The following SLC25A21 variants were observed in gnomAD, a reference collection of about 807,000 sequenced individuals.
SLC25A21 encodes solute carrier family 25 member 21.
Under a neutral mutation model 43.8 loss-of-function variants are expected in SLC25A21, and 47 were observed. The observed-to-expected ratio is 1.07, with a 90% CI of 0.85 to 1.37. The LOEUF (loss-of-function observed/expected upper bound fraction) is 1.37, where lower values mean the gene tolerates loss of function less well. Among genes scored for constraint, SLC25A21 ranks in the 40% most tolerant of loss-of-function variants. The pLI is 0.00. For missense variants in SLC25A21, 352 were observed against 350.2 expected, an observed-to-expected ratio of 1.00 and a Z score of -0.04; for synonymous variants, 131 against 121.3, an observed-to-expected ratio of 1.08 and a Z score of -0.52.
At chr14:36,691,871 C>T (rs1057060521) in intron 7 of SLC25A21, among the ~76,000 whole-genome samples, 24 of 152,248 alleles carry the variant, frequency 1.6e-4, no homozygotes, top group Middle Eastern at 3.4e-3. Context: ...TATAACTAAA[C>T]TGGAGCTGAG....
rs755417983 is a variant in SLC25A21, at chr14:37,170,140, A to G, written c.70+2141T>C. On this transcript the variant is annotated intron_variant, in intron 1 of 9. Coordinates refer to ENST00000331299, the MANE Select transcript of SLC25A21 (RefSeq NM_030631.4). ...AACCTCCGCCTCCTGGGTTCAAGCG[A>G]TTCTCCTGCCTCAGCCTCCCAAGTA... is the stretch of plus-strand genomic sequence containing the variant. Among the ~76,000 whole-genome samples the G allele has an allele frequency of 4.3e-4, 66 of 151,814 alleles. 2 individuals are homozygous for G. The highest frequency in any genetic ancestry group is 5.7e-4 in the Non-Finnish European group (39 of 67,972).
intron 5 of SLC25A21, 66 bp from the exon 6 acceptor site, chr14:36,725,743 T>G (rs1010699608): frequency 1.1e-5 from 11 of 961,072 alleles, no homozygotes; most frequent in Admixed American, 2.2e-5. Flanking sequence ...AAACATCCTA[T>G]TCATTACACT....
At chr14:36,986,870 T>C (rs1279672970) in intron 1 of SLC25A21, among the ~76,000 whole-genome samples, 5 of 152,164 alleles carry the variant, frequency 3.3e-5, no homozygotes, top group Non-Finnish European at 7.4e-5. Context: ...CCAAGTTAAG[T>C]TGTACTAAGC....
At chr14:37,065,257 C>T (rs1962036201) in intron 1 of SLC25A21, among the ~76,000 whole-genome samples, 1 of 152,028 alleles carries the variant, frequency 6.6e-6, no homozygotes, top group African/African-American at 2.4e-5. Context: ...AACATGGTAG[C>T]CTAGGTTATT....
intron 1 of SLC25A21, among the ~76,000 whole-genome samples, chr14:37,137,024 G>A (rs1363742632): frequency 1.3e-5 from 2 of 152,096 alleles, no homozygotes; most frequent in Non-Finnish European, 2.9e-5. Context: ...GTTTTGAGAT[G>A]GAGTCTCGCT....
chr14:37,165,526 G>A (rs1403173157), intron 1 of SLC25A21, among the ~76,000 whole-genome samples: 1 of 152,206 alleles, frequency 6.6e-6, no homozygotes, highest in Non-Finnish European at 1.5e-5. Context: ...GGCATTCAGA[G>A]TGGGACTGGC....
At chr14:36,751,241 A>G (rs1885697137) in intron 3 of SLC25A21, among the ~76,000 whole-genome samples, 1 of 152,234 alleles carries the variant, frequency 6.6e-6, no homozygotes, top group South Asian at 2.1e-4. Flanking sequence ...AAATGAGGAT[A>G]CTTCTCTCTC....
Position 36,680,439 on chromosome 14 carries a change from G to T in SLC25A21, c.*219C>A, listed in dbSNP as rs1882180379. Reference sequence around the variant, plus strand: ...CTATATTCACTTTAAATACCTCATTGTTTCATATTATTTTTTTCTTCTCAC... The same window carrying T: ...CTATATTCACTTTAAATACCTCATTTTTTCATATTATTTTTTTCTTCTCAC... On this transcript the variant is annotated 3_prime_UTR_variant, in exon 10 of 10. Coordinates refer to ENST00000331299, the MANE Select transcript of SLC25A21 (RefSeq NM_030631.4). The T allele has an allele frequency of 2.6e-6, 3 of 1,172,692 alleles. No individual in the cohort carries two copies. Among genetic ancestry groups the T allele is most frequent in the Non-Finnish European group, 3.2e-6 (3 of 942,676 alleles). 72.6% of individuals were successfully genotyped at this position (1,172,692 alleles called of 1,614,324 possible). A position where few individuals can be genotyped will look rare whatever the true frequency, so the allele number is the denominator to read the frequency against.
intron 3 of SLC25A21, among the ~76,000 whole-genome samples, chr14:36,797,630 C>G (rs557208697): frequency 6.6e-6 from 1 of 152,190 alleles, no homozygotes; most frequent in Non-Finnish European, 1.5e-5. Flanking sequence ...TAGCATCTTC[C>G]TTTTCAAGGT....
intron 1 of SLC25A21, among the ~76,000 whole-genome samples, chr14:36,883,946 C>T (rs1169461): frequency 0.11 from 16,322 of 152,036 alleles, 1,066 homozygotes; most frequent in South Asian, 0.2. Flanking sequence ...AGCTAATGAA[C>T]ATATCCATCA....
intron 1 of SLC25A21, among the ~76,000 whole-genome samples, chr14:37,158,544 A>T (rs1340444044): frequency 6.6e-6 from 1 of 152,162 alleles, no homozygotes; most frequent in Non-Finnish European, 1.5e-5. Context: ...TTTCTTGATA[A>T]AAATTCTTAA....
rs547097770 is a variant in SLC25A21, at chr14:36,696,257, C to T, written c.604-11332G>A. Among the ~76,000 whole-genome samples, 166 of 152,320 alleles carry T rather than the reference C, an allele frequency of 1.1e-3. 1 individual carries two copies. Among genetic ancestry groups the T allele is most frequent in the South Asian group, 0.01 (49 of 4,824 alleles). On this transcript the variant is annotated intron_variant, in intron 7 of 9. Transcript: ENST00000331299. ...CCAGCCTTGCATCCTAGGGATGAAG[C>T]TGACTTGATCATGGTGGATAAACTT...
chr14:37,091,130 G>C (rs1455130996), intron 1 of SLC25A21, among the ~76,000 whole-genome samples: 1 of 152,056 alleles, frequency 6.6e-6, no homozygotes, highest in African/African-American at 2.4e-5. Context: ...GGCGCATCTT[G>C]CCTTTAGAAA....
At chr14:36,758,857 C>T (rs561423714) in intron 3 of SLC25A21, among the ~76,000 whole-genome samples, 1 of 152,234 alleles carries the variant, frequency 6.6e-6, no homozygotes, top group South Asian at 2.1e-4. Flanking sequence ...GCAGAGGCGT[C>T]CAGGAGAACA....
At chr14:36,796,390 T>C (rs1169928515) in intron 3 of SLC25A21, among the ~76,000 whole-genome samples, 1 of 95,824 alleles carries the variant, frequency 1.0e-5, no homozygotes. Context: ...TCTTTCTCTT[T>C]CTTTCTCTTT....
At position 36,748,207 on chromosome 14, in the gene SLC25A21, T is replaced by G. The variant is rs1400423202; in HGVS notation, c.204-13634A>C. On this transcript the variant is annotated intron_variant, in intron 3 of 9. Transcript: ENST00000331299. ...TCACTATCAAGTCCACTGGGGAATT[T>G]CATTCTACCTCCTGGCTCTAACGCT... Among the ~76,000 whole-genome samples, 46 of 152,204 alleles carry G rather than the reference T, an allele frequency of 3.0e-4. 1 individual carries two copies. The highest frequency in any genetic ancestry group is 3.0e-3 in the Admixed American group (46 of 15,282).
chr14:36,904,594 G>A (rs553488893), intron 1 of SLC25A21, among the ~76,000 whole-genome samples: 1 of 152,258 alleles, frequency 6.6e-6, no homozygotes, highest in South Asian at 2.1e-4. Flanking sequence ...AAACAAAAGA[G>A]GTTTAATTGA....
chr14:36,908,030 G>A (rs1036178859), intron 1 of SLC25A21, among the ~76,000 whole-genome samples: 10 of 152,160 alleles, frequency 6.6e-5, no homozygotes, highest in African/African-American at 2.4e-4. Flanking sequence ...TAGAAGATAT[G>A]GTTGGGAGAA....
chr14:36,817,543 T>A (rs1888499176), intron 2 of SLC25A21, among the ~76,000 whole-genome samples: 1 of 152,100 alleles, frequency 6.6e-6, no homozygotes, highest in Non-Finnish European at 1.5e-5. Flanking sequence ...TTGCTCAGGG[T>A]GCATGGAGAC....
Sources: gnomAD v4.1 joint callset for allele counts (sites outside exome capture counted in the v4.1 genomes callset) on GRCh38, gnomAD v4.1.1 for gene constraint, MANE v1.5 for transcripts, NCBI Gene and HGNC (gene_info 2026-07-23, HGNC 2026-07-21) for gene names.